PGM1: variants seen among roughly 807,000 people sequenced by gnomAD.
PGM1 encodes the protein phosphoglucomutase-1.
PGM1 carries 52 observed loss-of-function variants against 55.6 expected under a neutral mutation model. The ratio of observed to expected loss-of-function variants is 0.94; its 90% CI spans 0.75 to 1.18. PGM1 has a LOEUF of 1.18. PGM1 is among the 50% of genes most tolerant of loss of function. PGM1 has a pLI of 0.00. For synonymous variants in PGM1, 287 were observed against 271.7 expected (o/e 1.06, Z -0.55); for missense variants, 724 against 729.3 (o/e 0.99, Z 0.08).
At chr1:63,618,879 T>C (rs1050390585) in intron 1 of PGM1, among the ~76,000 whole-genome samples, 2 of 152,138 alleles carry the variant, frequency 1.3e-5, no homozygotes, top group African/African-American at 4.8e-5. Flanking sequence ...ATCTAACCTA[T>C]TTTCTGCTTG....
At chr1:63,638,185 A>G (rs1649411364) in intron 6 of PGM1, among the ~76,000 whole-genome samples, 2 of 152,200 alleles carry the variant, frequency 1.3e-5, no homozygotes, top group African/African-American at 4.8e-5. Flanking sequence ...AGCACTGACC[A>G]GAGAGCTGAA....
chr1:63,656,280 C>G (rs1649963472), intron 10 of PGM1, among the ~76,000 whole-genome samples: 1 of 152,048 alleles, frequency 6.6e-6, no homozygotes, highest in Non-Finnish European at 1.5e-5. Context: ...CAAAAGATAA[C>G]AAGTGTTGGG....
At chr1:63,647,304 A>ATATG in intron 7 of PGM1, among the ~76,000 whole-genome samples, 1 of 116,632 alleles carries the variant, frequency 8.6e-6, no homozygotes, top group African/African-American at 3.1e-5. Context: ...ATATATATAT[A>ATATG]TATAGTATTA....
intron 1 of PGM1, among the ~76,000 whole-genome samples, chr1:63,599,640 CT>C (rs1648178814): frequency 6.6e-6 from 1 of 151,976 alleles, no homozygotes; most frequent in Admixed American, 6.6e-5. Context: ...AATAAAAAAA[CT>C]TAATCTGGTG....
chr1:63,634,752 C>T, intron 4 of PGM1, 77 bp from the exon 5 acceptor site: 2 of 1,244,752 alleles, frequency 1.6e-6, no homozygotes, highest in Non-Finnish European at 2.4e-6. Context: ...ATGCATCCAC[C>T]TCACCCCTGA....
intron 7 of PGM1, among the ~76,000 whole-genome samples, chr1:63,639,025 C>T (rs1052471572): frequency 6.6e-6 from 1 of 152,130 alleles, no homozygotes; most frequent in African/African-American, 2.4e-5. Flanking sequence ...TCGACTCAGA[C>T]AGGAAGTTGG....
chr1:63,629,720 C>A, intron 2 of PGM1, 133 bp downstream of exon 2: 3 of 971,924 alleles, frequency 3.1e-6, no homozygotes, highest in Non-Finnish European at 3.2e-6. Context: ...TGCTTCCTTT[C>A]AGTGACAGTG....
chr1:63,599,757 C>T (rs1648184678), intron 1 of PGM1, among the ~76,000 whole-genome samples: 1 of 152,126 alleles, frequency 6.6e-6, no homozygotes, highest in Non-Finnish European at 1.5e-5. Flanking sequence ...CACCACTGCA[C>T]TCCAGCCTTG....
intron 1 of PGM1, among the ~76,000 whole-genome samples, chr1:63,598,213 A>G (rs544131591): frequency 3.9e-5 from 6 of 152,192 alleles, no homozygotes; most frequent in African/African-American, 1.4e-4. Context: ...GGCTCAAGCG[A>G]TCTGCCTGCC....
chr1:63,628,285 A>G (rs1184121350), intron 1 of PGM1, among the ~76,000 whole-genome samples: 1 of 152,176 alleles, frequency 6.6e-6, no homozygotes, highest in Non-Finnish European at 1.5e-5. Context: ...GGATATAACC[A>G]ATATATTAGG....
At chr1:63,650,616 TACAAATAAATATA>T (rs1649782851) in intron 8 of PGM1, among the ~76,000 whole-genome samples, 1 of 152,178 alleles carries the variant, frequency 6.6e-6, no homozygotes, top group Non-Finnish European at 1.5e-5. Flanking sequence ...ATTTCACGAT[TACAAATAAATATA>T]GACTCTGCTA....
intron 1 of PGM1, among the ~76,000 whole-genome samples, chr1:63,609,286 G>A (rs1252404125): frequency 6.6e-6 from 1 of 152,226 alleles, no homozygotes; most frequent in African/African-American, 2.4e-5. Context: ...CTGGGCCCAG[G>A]CCAATGTCTT....
At chr1:63,604,252 A>G (rs1304939314) in intron 1 of PGM1, among the ~76,000 whole-genome samples, 1 of 152,206 alleles carries the variant, frequency 6.6e-6, no homozygotes, top group African/African-American at 2.4e-5. Flanking sequence ...AGACACTCAA[A>G]ACAACAGTGG....
chr1:63,631,528 A>G (rs753510564), intron 3 of PGM1, 129 bp from the exon 4 acceptor site: 2 of 828,338 alleles, frequency 2.4e-6, no homozygotes, highest in Non-Finnish European at 4.1e-6. Context: ...CAGCCGTATT[A>G]TTGGAGCTGT....
At chr1:63,634,715 G>A in intron 4 of PGM1, 114 bp from the exon 5 acceptor site, 1 of 829,998 alleles carries the variant, frequency 1.2e-6, no homozygotes, top group Non-Finnish European at 2.1e-6. Context: ...CATTCCTGTT[G>A]TTTCTCATGC....
chr1:63,648,450 A>G lies in PGM1; in HGVS notation c.1145-67A>G, dbSNP rs999415161. ...GGGTGGGGATGCAGAGCCAAACCAT[A>G]TCAAGTACCTTCTCAGGTACTGGGA... On this transcript the variant is annotated intron_variant, in intron 7 of 10. Transcript: ENST00000371084. 8 of 1,583,382 alleles carry G rather than the reference A, an allele frequency of 5.1e-6. No homozygotes were observed. In the South Asian group the frequency reaches 6.7e-5, roughly 13 times the overall value.
intron 7 of PGM1, among the ~76,000 whole-genome samples, chr1:63,647,841 T>G (rs1325088846): frequency 6.6e-6 from 1 of 152,234 alleles, no homozygotes; most frequent in Non-Finnish European, 1.5e-5. Context: ...TTCTGCTGTT[T>G]GTTCATTTAA....
chr1:63,604,959 G>GTGTGTGTGTGTGTGTGT (rs58900430), intron 1 of PGM1, among the ~76,000 whole-genome samples: 1 of 134,234 alleles, frequency 7.4e-6, no homozygotes, highest in Non-Finnish European at 1.6e-5. Flanking sequence ...GTGTGTGTGT[G>GTGTGTGTGTGTGTGTGT]TAAAGAGAGG....
intron 10 of PGM1, chr1:63,655,724 A>G (rs1649945647): frequency 6.6e-6 from 1 of 152,236 alleles, no homozygotes; most frequent in African/African-American, 2.4e-5. Context: ...CACAGCATAC[A>G]ATGCAATGCA....
Sources: gnomAD v4.1 joint callset for allele counts (sites outside exome capture counted in the v4.1 genomes callset) on GRCh38, gnomAD v4.1.1 for gene constraint, MANE v1.5 for transcripts, NCBI Gene and HGNC (gene_info 2026-07-23, HGNC 2026-07-21) for gene names.